The following LHFPL3 variants were observed in gnomAD, a reference collection of about 807,000 sequenced individuals.
LHFPL3 encodes the protein LHFPL tetraspan subfamily member 3.
LHFPL3 carries 5 observed loss-of-function variants against 19.3 expected under a neutral mutation model. The observed-to-expected ratio is 0.26, with a 90% CI of 0.14 to 0.54. The LOEUF is 0.54. LHFPL3 is among the 20% of genes least tolerant of loss of function. LHFPL3 has a pLI of 0.94. For missense variants in LHFPL3, 249 were observed against 307.4 expected (o/e 0.81, Z 1.42); for synonymous variants, 133 against 126.2 (o/e 1.05, Z -0.36).
intron 1 of LHFPL3, among the ~76,000 whole-genome samples, chr7:104,347,890 TA>T (rs34331956): frequency 0.056 from 8,183 of 146,474 alleles, 372 homozygotes; most frequent in African/African-American, 0.13. Context: ...GACTCTGTCT[TA>T]AAAAAAAAAA....
At chr7:104,458,591 C>T (rs941341828) in intron 1 of LHFPL3, among the ~76,000 whole-genome samples, 1 of 151,882 alleles carries the variant, frequency 6.6e-6, no homozygotes, top group African/African-American at 2.4e-5. Context: ...ATTGACTTGG[C>T]GATGCGGGCT....
chr7:104,827,795 T>G (rs771479445), intron 2 of LHFPL3, among the ~76,000 whole-genome samples: 5 of 151,916 alleles, frequency 3.3e-5, no homozygotes, highest in Non-Finnish European at 5.9e-5. Flanking sequence ...TTGGAGATGC[T>G]TGGTTCATCT....
intron 1 of LHFPL3, among the ~76,000 whole-genome samples, chr7:104,562,802 T>C (rs1328597468): frequency 3.3e-5 from 5 of 151,488 alleles, no homozygotes; most frequent in Non-Finnish European, 7.4e-5. Context: ...TTTTTCCCCA[T>C]CTTTGTGGTT....
At chr7:104,434,214 C>G (rs1433366529) in intron 1 of LHFPL3, among the ~76,000 whole-genome samples, 1 of 152,172 alleles carries the variant, frequency 6.6e-6, no homozygotes, top group Non-Finnish European at 1.5e-5. Context: ...ACCCACCAAC[C>G]AGGAAACTGG....
At chr7:104,903,802 T>C (rs746459751) in intron 2 of LHFPL3, among the ~76,000 whole-genome samples, 1 of 152,166 alleles carries the variant, frequency 6.6e-6, no homozygotes, top group Admixed American at 6.5e-5. Flanking sequence ...ATGGTGTATA[T>C]GTACCACATT....
At chr7:104,466,217 A>G (rs1400656153) in intron 1 of LHFPL3, among the ~76,000 whole-genome samples, 1 of 152,206 alleles carries the variant, frequency 6.6e-6, no homozygotes, top group Non-Finnish European at 1.5e-5. Context: ...AAATATTGGT[A>G]TTGAAAGTGT....
chr7:104,500,939 G>A (rs559850334), intron 1 of LHFPL3, among the ~76,000 whole-genome samples: 19 of 152,212 alleles, frequency 1.2e-4, no homozygotes, highest in South Asian at 4.1e-4. Flanking sequence ...CAAACCTGCC[G>A]CATCTCTCCT....
At chr7:104,605,075 T>C (rs1791066633) in intron 1 of LHFPL3, among the ~76,000 whole-genome samples, 1 of 152,234 alleles carries the variant, frequency 6.6e-6, no homozygotes, top group Non-Finnish European at 1.5e-5. Flanking sequence ...TCAGCTGCCA[T>C]CCCAAGTATC....
At chr7:104,543,903 T>TATAATAATAATA (rs199906129) in intron 1 of LHFPL3, among the ~76,000 whole-genome samples, 101 of 145,396 alleles carry the variant, frequency 6.9e-4, no homozygotes, top group African/African-American at 2.4e-3. Context: ...TACCCCAAAA[T>TATAATAATAATA]ATAATAATAA....
At chr7:104,539,144 T>A (rs1794441134) in intron 1 of LHFPL3, among the ~76,000 whole-genome samples, 1 of 152,184 alleles carries the variant, frequency 6.6e-6, no homozygotes, top group African/African-American at 2.4e-5. Context: ...GTGTCAGGCA[T>A]CTGACCTCCA....
At chr7:104,768,612 G>A (rs10259602) in intron 2 of LHFPL3, 57,856 of 151,984 alleles carry the variant, frequency 0.38, 11,768 homozygotes, top group East Asian at 0.82. Context: ...TATTATTTCT[G>A]TGACTGGCAG....
At chr7:104,700,557 A>G (rs1793084425) in intron 1 of LHFPL3, among the ~76,000 whole-genome samples, 1 of 152,220 alleles carries the variant, frequency 6.6e-6, no homozygotes, top group African/African-American at 2.4e-5. Flanking sequence ...TGTTGAGTCT[A>G]AAAGTTGGAA....
intron 1 of LHFPL3, among the ~76,000 whole-genome samples, chr7:104,337,412 A>G (rs1048637342): frequency 2.0e-5 from 3 of 152,176 alleles, no homozygotes; most frequent in African/African-American, 7.2e-5. Flanking sequence ...AGAATATGTC[A>G]TATGGTGCAG....
chr7:104,340,282 A>G (rs1460577160), intron 1 of LHFPL3, among the ~76,000 whole-genome samples: 1 of 152,234 alleles, frequency 6.6e-6, no homozygotes, highest in Admixed American at 6.5e-5. Flanking sequence ...AAGAAAGTAA[A>G]TGTTAGGCAA....
intron 1 of LHFPL3, chr7:104,470,158 C>T (rs1174133198): frequency 4.5e-6 from 2 of 443,554 alleles, no homozygotes; most frequent in African/African-American, 4.0e-5. Flanking sequence ...GATTCTTTTC[C>T]CCCTGTTCTT....
intron 1 of LHFPL3, among the ~76,000 whole-genome samples, chr7:104,684,147 G>A (rs1381738206): frequency 3.9e-5 from 6 of 152,120 alleles, no homozygotes; most frequent in Non-Finnish European, 8.8e-5. Context: ...ATTAGTTCAG[G>A]GATTTTCAAA....
chr7:104,346,577 G>C (rs1276373256), intron 1 of LHFPL3, among the ~76,000 whole-genome samples: 1 of 152,022 alleles, frequency 6.6e-6, no homozygotes, highest in Admixed American at 6.5e-5. Flanking sequence ...CTCTCATACT[G>C]GGTTAGCATC....
chr7:104,394,778 G>T (rs1310917590), intron 1 of LHFPL3, among the ~76,000 whole-genome samples: 1 of 151,248 alleles, frequency 6.6e-6, no homozygotes, highest in African/African-American at 2.4e-5. Flanking sequence ...TCAGCTGATT[G>T]CACCCTCCAC....
intron 1 of LHFPL3, among the ~76,000 whole-genome samples, chr7:104,525,036 T>C (rs1794159848): frequency 6.6e-6 from 1 of 152,234 alleles, no homozygotes; most frequent in African/African-American, 2.4e-5. Flanking sequence ...AAGGTGGTGC[T>C]GATTTAACAG....
Sources: gnomAD v4.1 joint callset for allele counts (sites outside exome capture counted in the v4.1 genomes callset) on GRCh38, gnomAD v4.1.1 for gene constraint, MANE v1.5 for transcripts, NCBI Gene and HGNC (gene_info 2026-07-23, HGNC 2026-07-21) for gene names.